Variants in ARB2A observed in about 807,000 individuals in gnomAD.
The protein encoded by ARB2A is ARB2 cotranscriptional regulator A.
the ARB2A span, among the ~76,000 whole-genome samples, chr5:93,758,445 AT>A: frequency 6.6e-6 from 1 of 152,162 alleles, no homozygotes; most frequent in East Asian, 1.9e-4. Context: ...CAGAATACAC[AT>A]TCTATTCAAC....
At chr5:94,078,486 T>A in the ARB2A span, among the ~76,000 whole-genome samples, 1 of 152,172 alleles carries the variant, frequency 6.6e-6, no homozygotes, top group African/African-American at 2.4e-5. Flanking sequence ...ATTCTGAGGC[T>A]GCAGTGAGAA....
At chr5:93,932,770 TGCCCTATATGTAA>T in the ARB2A span, among the ~76,000 whole-genome samples, 5 of 152,318 alleles carry the variant, frequency 3.3e-5, no homozygotes, top group Admixed American at 2.0e-4. Context: ...CTATGTGCCC[TGCCCTATATGTAA>T]GCTGAAGATT....
chr5:93,855,317 C>T, the ARB2A span, among the ~76,000 whole-genome samples: 1 of 152,168 alleles, frequency 6.6e-6, no homozygotes, highest in South Asian at 2.1e-4. Flanking sequence ...CTTGGTAGAT[C>T]TTCCTCCATC....
At chr5:93,761,360 A>G in the ARB2A span, among the ~76,000 whole-genome samples, 1 of 152,308 alleles carries the variant, frequency 6.6e-6, no homozygotes, top group African/African-American at 2.4e-5. Flanking sequence ...TCTCACCCTA[A>G]TACTGTGCTT....
chr5:94,049,415 A>G, the ARB2A span, among the ~76,000 whole-genome samples: 1 of 152,088 alleles, frequency 6.6e-6, no homozygotes, highest in Non-Finnish European at 1.5e-5. Context: ...AAACATTTTT[A>G]GGCTCGGCGC....
At chr5:94,024,481 C>T in the ARB2A span, among the ~76,000 whole-genome samples, 2 of 152,008 alleles carry the variant, frequency 1.3e-5, no homozygotes. Flanking sequence ...AACATATATA[C>T]ATATTCATCC....
At chr5:94,099,293 T>C in the ARB2A span, among the ~76,000 whole-genome samples, 1 of 152,098 alleles carries the variant, frequency 6.6e-6, no homozygotes, top group Admixed American at 6.6e-5. Context: ...TAAAGGAGGC[T>C]TCATCCCCAG....
the ARB2A span, among the ~76,000 whole-genome samples, chr5:93,671,578 C>T: frequency 1.3e-5 from 2 of 151,948 alleles, no homozygotes; most frequent in African/African-American, 4.8e-5. Flanking sequence ...GAAATACCAT[C>T]AGACTTCATG....
chr5:93,784,034 C>T, the ARB2A span, among the ~76,000 whole-genome samples: 1 of 152,082 alleles, frequency 6.6e-6, no homozygotes, highest in Admixed American at 6.6e-5. Context: ...TTTCTTGTAA[C>T]TAAATAGCAC....
chr5:93,812,323 A>G, the ARB2A span, among the ~76,000 whole-genome samples: 1 of 152,160 alleles, frequency 6.6e-6, no homozygotes, highest in Non-Finnish European at 1.5e-5. Context: ...GAGCAGTAAC[A>G]CAATGGTAAT....
At chr5:93,805,571 T>A in the ARB2A span, 173 of 985,176 alleles carry the variant, frequency 1.8e-4, no homozygotes, top group Non-Finnish European at 2.0e-4. Flanking sequence ...TCCTTCCTGA[T>A]AATTACACAG....
At chr5:93,872,226 G>A in the ARB2A span, among the ~76,000 whole-genome samples, 1 of 152,010 alleles carries the variant, frequency 6.6e-6, no homozygotes, top group South Asian at 2.1e-4. Context: ...GGAATTACAG[G>A]CACGAGCCAC....
chr5:93,663,155 G>A, the ARB2A span, among the ~76,000 whole-genome samples: 1 of 152,116 alleles, frequency 6.6e-6, no homozygotes, highest in African/African-American at 2.4e-5. Context: ...TCAAATCACA[G>A]CACCAACTCT....
At chr5:94,003,833 A>G in the ARB2A span, among the ~76,000 whole-genome samples, 5 of 152,146 alleles carry the variant, frequency 3.3e-5, no homozygotes, top group Non-Finnish European at 7.4e-5. Flanking sequence ...TTTTTGGTAG[A>G]TATAGATGAT....
At chr5:93,712,324 A>G in the ARB2A span, among the ~76,000 whole-genome samples, 1 of 152,216 alleles carries the variant, frequency 6.6e-6, no homozygotes, top group African/African-American at 2.4e-5. Flanking sequence ...GATTAAGTCC[A>G]GGTAAGTTTC....
chr5:93,672,844 C>T, the ARB2A span, among the ~76,000 whole-genome samples: 8 of 151,974 alleles, frequency 5.3e-5, no homozygotes, highest in Admixed American at 2.0e-4. Flanking sequence ...TTATAGAAAA[C>T]CAGGATGTGA....
the ARB2A span, chr5:93,620,986 C>T: frequency 6.2e-7 from 1 of 1,607,674 alleles, no homozygotes. Context: ...GCTCGCTCCT[C>T]TTACAGCTCT....
At chr5:93,863,429 A>C in the ARB2A span, 11 of 151,486 alleles carry the variant, frequency 7.3e-5, no homozygotes, top group East Asian at 5.8e-4. Context: ...AATTATCTAT[A>C]TATATATATT....
At chr5:93,893,990 A>G in the ARB2A span, among the ~76,000 whole-genome samples, 1 of 152,186 alleles carries the variant, frequency 6.6e-6, no homozygotes, top group East Asian at 1.9e-4. Flanking sequence ...TTTTTTCAAA[A>G]TATGTGTTGC....
Sources: allele counts gnomAD v4.1 joint callset (sites outside exome capture counted in the v4.1 genomes callset), GRCh38; gene constraint gnomAD v4.1.1; transcripts MANE v1.5; gene names NCBI Gene and HGNC (gene_info 2026-07-23, HGNC 2026-07-21).